CWC27: variants seen among roughly 807,000 people sequenced by gnomAD.
The protein encoded by CWC27 is CWC27 spliceosome associated cyclophilin.
Under a neutral mutation model 63.6 loss-of-function variants are expected in CWC27, and 47 were observed. The ratio of observed to expected loss-of-function variants is 0.74; its 90% CI spans 0.58 to 0.94. The LOEUF is 0.94. Among genes scored for constraint, CWC27 ranks in the 40% least tolerant of loss-of-function variants. The probability of loss-of-function intolerance (pLI) is 0.00; values close to 1 mark genes in which losing one functional copy is unlikely to be tolerated. For missense variants in CWC27, 495 were observed against 554.3 expected, an observed-to-expected ratio of 0.89 and a Z score of 1.07; for synonymous variants, 175 against 179.8, an observed-to-expected ratio of 0.97 and a Z score of 0.22.
rs543705244 is a variant in CWC27 at position 64,833,086 on chromosome 5, A to G, written c.938+28700A>G. On this transcript the variant is annotated intron_variant, in intron 10 of 13. Transcript: ENST00000381070. ...GGATTTGTGTGAAGTTACATGATTT[A>G]AAATATGTAAAGCTCTTAGAACAGT... is the stretch of plus-strand genomic sequence containing the variant. Among the ~76,000 whole-genome samples the G allele has an allele frequency of 5.9e-5, 9 of 151,966 alleles. No individual in the cohort carries two copies. The East Asian group carries it at 1.5e-3, about 26-fold the overall frequency.
intron 11 of CWC27, among the ~76,000 whole-genome samples, chr5:64,886,664 T>G (rs1172458648): frequency 1.3e-5 from 2 of 152,146 alleles, no homozygotes; most frequent in African/African-American, 4.8e-5. Flanking sequence ...TAGTTCTCAA[T>G]TCTAAGATTA....
In CWC27 at chr5:64,886,253, A is replaced by G. The variant is rs137960350; in HGVS notation, c.1042+707A>G. 6.9e-4 allele frequency among the ~76,000 whole-genome samples: 105 copies of G among 152,246 alleles called. No homozygotes were observed. In the South Asian group the frequency reaches 0.013, roughly 19 times the overall value. On this transcript the variant is annotated intron_variant, in intron 11 of 13. Transcript: ENST00000381070. ...AATTTAGTTTAAAATTGTTTCAGCT[A>G]TAAAGCATGTAATGTTCAGTTTCTA...
intron 10 of CWC27, among the ~76,000 whole-genome samples, chr5:64,838,356 A>G (rs1745712719): frequency 6.6e-6 from 1 of 152,182 alleles, no homozygotes; most frequent in Admixed American, 6.6e-5. Flanking sequence ...CTCAATAGAG[A>G]TAAACAGCTG....
intron 13 of CWC27, among the ~76,000 whole-genome samples, chr5:64,997,614 T>C (rs1749657934): frequency 6.6e-6 from 1 of 152,156 alleles, no homozygotes; most frequent in African/African-American, 2.4e-5. Context: ...TTGGTTTCTA[T>C]CATAATTCTT....
At chr5:64,780,965 T>C (rs1027890152) in intron 2 of CWC27, among the ~76,000 whole-genome samples, 1 of 152,224 alleles carries the variant, frequency 6.6e-6, no homozygotes, top group South Asian at 2.1e-4. Context: ...TCATTATTGC[T>C]ACTTCTTAAT....
intron 10 of CWC27, among the ~76,000 whole-genome samples, chr5:64,838,268 A>G (rs961866242): frequency 1.3e-5 from 2 of 152,164 alleles, no homozygotes; most frequent in African/African-American, 4.8e-5. Flanking sequence ...TTAACCAAAG[A>G]TCCGATGTTT....
chr5:64,781,333 C>T (rs1005506887), intron 2 of CWC27, among the ~76,000 whole-genome samples: 2 of 151,956 alleles, frequency 1.3e-5, no homozygotes, highest in African/African-American at 2.4e-5. Flanking sequence ...ATTGATGGTT[C>T]TAGACCTATA....
chr5:64,852,437 C>A (rs1746154825), intron 10 of CWC27, among the ~76,000 whole-genome samples: 1 of 151,866 alleles, frequency 6.6e-6, no homozygotes, highest in Admixed American at 6.6e-5. Context: ...ACAAAAGAGC[C>A]AAACAGTGTT....
chr5:64,986,687 C>T (rs574290425), intron 13 of CWC27, among the ~76,000 whole-genome samples: 37 of 151,820 alleles, frequency 2.4e-4, no homozygotes, highest in Admixed American at 4.6e-4. Context: ...TTATCAGAGC[C>T]CCCCCCGGAC....
At chr5:64,951,331 G>C (rs1463921672) in intron 11 of CWC27, among the ~76,000 whole-genome samples, 1 of 151,742 alleles carries the variant, frequency 6.6e-6, no homozygotes, top group Non-Finnish European at 1.5e-5. Context: ...CAATGATGTT[G>C]AACATCTTTT....
intron 10 of CWC27, chr5:64,807,694 C>A (rs1418733607): frequency 1.3e-6 from 2 of 1,535,834 alleles, no homozygotes; most frequent in Non-Finnish European, 1.7e-6. Context: ...TTTCTAGATT[C>A]CAGCCTCAGC....
intron 10 of CWC27, among the ~76,000 whole-genome samples, chr5:64,870,221 A>G (rs1010027870): frequency 6.6e-6 from 1 of 152,086 alleles, no homozygotes; most frequent in Non-Finnish European, 1.5e-5. Flanking sequence ...TGGTTAATAA[A>G]ATTGCCATGG....
At chr5:64,972,554 AT>A (rs1749146177) in intron 12 of CWC27, 1 of 364,106 alleles carries the variant, frequency 2.7e-6, no homozygotes, top group African/African-American at 2.2e-5. Context: ...ATATATATAT[AT>A]GGACACACCA....
At chr5:64,842,843 C>T (rs1310418409) in intron 10 of CWC27, among the ~76,000 whole-genome samples, 2 of 152,098 alleles carry the variant, frequency 1.3e-5, no homozygotes, top group African/African-American at 2.4e-5. Context: ...TCAAGCAATC[C>T]GCCCACCCTC....
rs759472038 is a variant in CWC27, at chr5:64,774,739, A to G, written c.91A>G (p.Lys31Glu). The change falls in exon 2 of 14, where the codon AAA (lysine) becomes GAA (glutamate). Residue 31 changes from lysine (K) to glutamate (E), a missense_variant. Around this residue, in one of 3 missense-constraint regions of CWC27, gnomAD observed 463 missense variants for 498.1 expected, o/e 0.93. Coordinates refer to ENST00000381070, the MANE Select transcript of CWC27 (RefSeq NM_005869.4). ...AGDIDIELWS[K>E]EAPKACRNFI... Reference sequence around the variant, plus strand: ...AGATATTGACATAGAGTTGTGGTCCAAAGAAGCTCCTAAAGCTTGCAGAAA... The same window carrying G: ...AGATATTGACATAGAGTTGTGGTCCGAAGAAGCTCCTAAAGCTTGCAGAAA... 6.2e-7 allele frequency: 1 copy of G among 1,609,080 alleles called. No homozygotes were observed. The highest frequency in any genetic ancestry group is 8.5e-7 in the Non-Finnish European group (1 of 1,177,812).
At chr5:64,807,322 A>G (rs1312524456) in intron 10 of CWC27, among the ~76,000 whole-genome samples, 1 of 152,232 alleles carries the variant, frequency 6.6e-6, no homozygotes, top group Non-Finnish European at 1.5e-5. Flanking sequence ...CTACACATGT[A>G]TTTATTGAGT....
chr5:64,954,039 T>C (rs1748758505), intron 11 of CWC27, among the ~76,000 whole-genome samples: 1 of 152,228 alleles, frequency 6.6e-6, no homozygotes. Flanking sequence ...ATTTAAATGA[T>C]ATTTATCAAA....
At chr5:64,933,552 G>T (rs1395255878) in intron 11 of CWC27, among the ~76,000 whole-genome samples, 1 of 150,464 alleles carries the variant, frequency 6.6e-6, no homozygotes, top group African/African-American at 2.5e-5. Flanking sequence ...GAGTACAGTG[G>T]CGCGATCTCG....
chr5:64,782,707 C>T (rs1044941277), intron 3 of CWC27, among the ~76,000 whole-genome samples: 1 of 151,924 alleles, frequency 6.6e-6, no homozygotes, highest in African/African-American at 2.4e-5. Flanking sequence ...TTGAAAAATT[C>T]GTTTTTATAT....
Sources: gnomAD v4.1 joint callset for allele counts (sites outside exome capture counted in the v4.1 genomes callset) on GRCh38, gnomAD v4.1.1 for gene constraint, gnomAD v4.1.1 regional missense constraint, MANE v1.5 for transcripts, NCBI Gene and HGNC (gene_info 2026-07-23, HGNC 2026-07-21) for gene names.